The following ATG2B variants were observed in gnomAD, a reference collection of about 807,000 sequenced individuals.
ATG2B encodes autophagy-related protein 2 homolog B.
A neutral mutation model predicts 241.3 loss-of-function variants in ATG2B; 121 were observed. The observed-to-expected ratio is 0.50, with a 90% confidence interval of 0.43 to 0.58. ATG2B has a LOEUF of 0.58. Ranked by LOEUF, ATG2B falls within the 20% of genes least tolerant of loss-of-function variation. ATG2B has a pLI of 0.00. For missense variants in ATG2B, 2,306 were observed against 2,491.6 expected, an observed-to-expected ratio of 0.93 and a Z score of 1.59; for synonymous variants, 858 against 876.6, an observed-to-expected ratio of 0.98 and a Z score of 0.37.
intron 6 of ATG2B, among the ~76,000 whole-genome samples, chr14:96,339,204 T>C (rs1416257636): frequency 1.3e-5 from 2 of 152,044 alleles, no homozygotes; most frequent in African/African-American, 4.8e-5. Context: ...ACAACTATTA[T>C]GGAAAGCAGT....
At chr14:96,301,984 G>A (rs373929075) in intron 34 of ATG2B, 23 bp downstream of exon 34, 2 of 1,551,658 alleles carry the variant, frequency 1.3e-6, no homozygotes, top group Non-Finnish European at 8.9e-7. Flanking sequence ...TGTAACGGCA[G>A]GAATCACGCT....
chr14:96,314,478 A>C (rs776595578), intron 23 of ATG2B, among the ~76,000 whole-genome samples: 17 of 152,202 alleles, frequency 1.1e-4, no homozygotes, highest in Non-Finnish European at 2.1e-4. Flanking sequence ...GAAATATTGC[A>C]CTTAAAGAAC....
chr14:96,279,827 G>C lies in ATG2B; in HGVS notation c.*5928C>G, dbSNP rs897987455. 6.6e-6 allele frequency: 1 copy of C among 151,728 alleles called. No individual in the cohort carries two copies. Among genetic ancestry groups the C allele is most frequent in the African/African-American group, 2.4e-5 (1 of 41,186 alleles). 9.4% of individuals were successfully genotyped at this position (151,728 alleles called of 1,614,324 possible). Reference sequence around the variant, plus strand: ...TTGGCCATGTCTGGAGACGTCTTTGGCTGTCACAACTGGGGGAGGGGAGTT... The same window carrying C: ...TTGGCCATGTCTGGAGACGTCTTTGCCTGTCACAACTGGGGGAGGGGAGTT... On this transcript the variant is annotated 3_prime_UTR_variant, in exon 42 of 42. Coordinates refer to ENST00000359933, the MANE Select transcript of ATG2B (RefSeq NM_018036.7).
intron 2 of ATG2B, 49 bp from the exon 3 acceptor site, chr14:96,345,434 A>T: frequency 3.6e-6 from 5 of 1,374,888 alleles, no homozygotes; most frequent in Non-Finnish European, 3.9e-6. Flanking sequence ...GAGTTACAAC[A>T]ATGCCAGTTC....
chr14:96,316,792 G>T, intron 20 of ATG2B, 109 bp from the exon 21 acceptor site: 1 of 853,436 alleles, frequency 1.2e-6, no homozygotes, highest in African/African-American at 1.7e-5. Context: ...CTCCCATACT[G>T]CAGCAAAGCA....
intron 18 of ATG2B, among the ~76,000 whole-genome samples, chr14:96,318,540 G>A (rs1032761162): frequency 6.6e-6 from 1 of 152,100 alleles, no homozygotes; most frequent in Non-Finnish European, 1.5e-5. Flanking sequence ...ATCAGCAACA[G>A]AAAGCACAGC....
chr14:96,360,786 A>G (rs1566738769), intron 1 of ATG2B, among the ~76,000 whole-genome samples: 2 of 152,008 alleles, frequency 1.3e-5, no homozygotes, highest in African/African-American at 4.8e-5. Flanking sequence ...TTTTTCAGTC[A>G]TGTAAGTCAT....
At position 96,305,656 on chromosome 14, in the gene ATG2B, C is replaced by G; in HGVS notation, c.4666G>C (p.Val1556Leu). ...IRYVVKEVSL[V>L]WHLYGGKDFG... ...TCCTTTCCTCCATAAAGATGCCAGA[C>G]AAGAGAGACCTCCTTCACCACATAG... The change falls in exon 31 of 42, where the codon GTC becomes CTC. Residue 1556 changes from valine (V) to leucine (L), a missense_variant. By Grantham distance (32) the Val-to-Leu change is conservative. This residue lies in a region of ATG2B where 1,927 missense variants were observed against 2,011.2 expected (regional missense o/e 0.96). Coordinates refer to ENST00000359933, the MANE Select transcript of ATG2B (RefSeq NM_018036.7). 2 of 1,614,140 alleles carry G rather than the reference C, an allele frequency of 1.2e-6. No individual in the cohort carries two copies.
At chr14:96,318,866 A>G (rs1595309170) in intron 18 of ATG2B, among the ~76,000 whole-genome samples, 1 of 152,204 alleles carries the variant, frequency 6.6e-6, no homozygotes. Context: ...CTTAAATCAC[A>G]GCACCTACAG....
chr14:96,286,597 C>A (rs572043961), intron 41 of ATG2B, among the ~76,000 whole-genome samples: 2 of 152,068 alleles, frequency 1.3e-5, no homozygotes, highest in Non-Finnish European at 2.9e-5. Flanking sequence ...ATGATGATTG[C>A]TAAGCTTTCT....
chr14:96,303,349 T>G (rs992509624), intron 32 of ATG2B, 94 bp from the exon 33 acceptor site: 2 of 1,012,782 alleles, frequency 2.0e-6, no homozygotes, highest in African/African-American at 3.4e-5. Flanking sequence ...TCACTCATTT[T>G]TCCTCTGAAT....
intron 1 of ATG2B, among the ~76,000 whole-genome samples, chr14:96,351,932 T>C (rs1365220524): frequency 1.3e-5 from 2 of 151,398 alleles, no homozygotes; most frequent in African/African-American, 4.8e-5. Flanking sequence ...AAAATTTTTA[T>C]GCTTATCAAA....
At chr14:96,297,864 T>C (rs1202014971) in intron 34 of ATG2B, among the ~76,000 whole-genome samples, 2 of 152,138 alleles carry the variant, frequency 1.3e-5, no homozygotes, top group African/African-American at 4.8e-5. Context: ...TGATCATGGC[T>C]CACTGCAGCC....
chr14:96,343,358 T>C (rs967072565), intron 4 of ATG2B, 77 bp from the exon 5 acceptor site: 122 of 888,426 alleles, frequency 1.4e-4, no homozygotes, highest in Non-Finnish European at 1.9e-4. Flanking sequence ...TATACATATG[T>C]AACTAACCTG....
chr14:96,355,287 T>C (rs1247847601), intron 1 of ATG2B, among the ~76,000 whole-genome samples: 1 of 152,230 alleles, frequency 6.6e-6, no homozygotes, highest in Non-Finnish European at 1.5e-5. Flanking sequence ...ATTAAGTCTT[T>C]AATTCATCTT....
chr14:96,310,393 C>T (rs1215534043), intron 28 of ATG2B, among the ~76,000 whole-genome samples: 1 of 152,024 alleles, frequency 6.6e-6, no homozygotes, highest in African/African-American at 2.4e-5. Context: ...GGCTCTAGAA[C>T]CTAAGGGGAC....
At chr14:96,308,284 T>A (rs112643723) in intron 29 of ATG2B, among the ~76,000 whole-genome samples, 10,288 of 42,504 alleles carry the variant, frequency 0.24, 1,637 homozygotes, top group Non-Finnish European at 0.32. Context: ...ATATATATAT[T>A]TTTTTTTTTT....
chr14:96,341,842 G>A (rs1047469759), intron 5 of ATG2B, 141 bp from the exon 6 acceptor site: 4 of 595,398 alleles, frequency 6.7e-6, no homozygotes, highest in Non-Finnish European at 1.1e-5. Context: ...AACCAGTATC[G>A]TATAGCTAAA....
chr14:96,356,006 T>G (rs1250245000), intron 1 of ATG2B, among the ~76,000 whole-genome samples: 1 of 151,774 alleles, frequency 6.6e-6, no homozygotes, highest in Non-Finnish European at 1.5e-5. Context: ...CCGTCTCTAC[T>G]AAAGATACAA....
Sources: allele counts gnomAD v4.1 joint callset (sites outside exome capture counted in the v4.1 genomes callset), GRCh38; gene constraint gnomAD v4.1.1; regional missense constraint gnomAD v4.1.1; transcripts MANE v1.5; gene names NCBI Gene and HGNC (gene_info 2026-07-23, HGNC 2026-07-21).